TMEM117: variants seen among roughly 807,000 people sequenced by gnomAD.
TMEM117 encodes the protein transmembrane protein 117.
TMEM117 carries 27 observed loss-of-function variants against 52.4 expected under a neutral mutation model. That is an observed-to-expected ratio of 0.51 (90% CI 0.38 to 0.71). The LOEUF (loss-of-function observed/expected upper bound fraction) is 0.71, where lower values mean the gene tolerates loss of function less well. TMEM117 is among the 30% of genes least tolerant of loss of function. The pLI is 0.00. For missense variants in TMEM117, 556 were observed against 630.5 expected, an observed-to-expected ratio of 0.88 and a Z score of 1.26; for synonymous variants, 215 against 206.3, an observed-to-expected ratio of 1.04 and a Z score of -0.36.
At chr12:44,202,793 C>CACT (rs60018269) in intron 4 of TMEM117, among the ~76,000 whole-genome samples, 29,960 of 142,816 alleles carry the variant, frequency 0.21, 5,142 homozygotes, top group African/African-American at 0.49. Flanking sequence ...GAAGTGGTAG[C>CACT]TTTTTTTTTT....
chr12:43,836,661 A>G (rs1265736174), intron 1 of TMEM117, among the ~76,000 whole-genome samples: 1 of 152,032 alleles, frequency 6.6e-6, no homozygotes, highest in Non-Finnish European at 1.5e-5. Context: ...AAAAACAAAG[A>G]CTTGGGTGTT....
At chr12:43,831,835 G>A (rs1214687078), upstream of TMEM117, among the ~76,000 whole-genome samples, 1 of 152,082 alleles carries the variant, frequency 6.6e-6, no homozygotes, top group Non-Finnish European at 1.5e-5. Context: ...GAGCCACCGT[G>A]CCCGGCCTTA....
At chr12:44,241,958 C>T (rs1361300758) in intron 5 of TMEM117, among the ~76,000 whole-genome samples, 2 of 151,794 alleles carry the variant, frequency 1.3e-5, no homozygotes, top group African/African-American at 4.8e-5. Context: ...CTTGGCTATT[C>T]TTCTCTTTCC....
At chr12:44,361,941 G>T (rs1951726823) in intron 6 of TMEM117, among the ~76,000 whole-genome samples, 1 of 152,094 alleles carries the variant, frequency 6.6e-6, no homozygotes, top group South Asian at 2.1e-4. Context: ...GTGCACATGG[G>T]TTTTCATTCA....
chr12:43,928,873 C>T (rs1381721890), intron 2 of TMEM117, among the ~76,000 whole-genome samples: 1 of 151,636 alleles, frequency 6.6e-6, no homozygotes, highest in African/African-American at 2.4e-5. Flanking sequence ...CGATAGTTTA[C>T]TGAGAATAAT....
chr12:44,073,336 AT>A (rs1263389559), intron 3 of TMEM117, among the ~76,000 whole-genome samples: 1 of 152,144 alleles, frequency 6.6e-6, no homozygotes, highest in African/African-American at 2.4e-5. Context: ...TTTCCTTCCT[AT>A]TGGCTGGGTG....
chr12:43,944,082 C>G (rs1945088437), intron 2 of TMEM117, 128 bp from the exon 3 acceptor site: 4 of 755,882 alleles, frequency 5.3e-6, no homozygotes, highest in Non-Finnish European at 4.1e-6. Context: ...TGGCTTCACT[C>G]ATAAGGCAGT....
At chr12:44,378,108 G>T (rs145846552) in intron 7 of TMEM117, among the ~76,000 whole-genome samples, 2 of 152,154 alleles carry the variant, frequency 1.3e-5, no homozygotes, top group South Asian at 2.1e-4. Context: ...ATCCCTTTGG[G>T]GGGGGCTTTT....
intron 6 of TMEM117, among the ~76,000 whole-genome samples, chr12:44,360,457 CTCGGG>C (rs1174556271): frequency 6.6e-6 from 1 of 151,654 alleles, no homozygotes; most frequent in Non-Finnish European, 1.5e-5. Flanking sequence ...GTCCCAGCTA[CTCGGG>C]AGGCTGAGGC....
intron 3 of TMEM117, among the ~76,000 whole-genome samples, chr12:44,083,389 G>GT (rs1160025038): frequency 0.081 from 6,497 of 80,366 alleles, 814 homozygotes; most frequent in African/African-American, 0.11. Flanking sequence ...GGTATTGTTA[G>GT]TTTTTTTTTT....
intron 2 of TMEM117, among the ~76,000 whole-genome samples, chr12:43,903,792 G>A (rs1020295308): frequency 6.6e-5 from 10 of 151,962 alleles, no homozygotes; most frequent in African/African-American, 2.4e-4. Flanking sequence ...GCCTACCCAT[G>A]GTTATCTGGT....
chr12:43,940,388 C>T (rs1385613023), intron 2 of TMEM117, among the ~76,000 whole-genome samples: 3 of 152,198 alleles, frequency 2.0e-5, no homozygotes, highest in South Asian at 2.1e-4. Context: ...TTTAAAAAGT[C>T]TAGCAGTGAG....
Position 44,386,957 on chromosome 12 carries a change from G to A in TMEM117, c.899-1069G>A, listed in dbSNP as rs959378032. 2.0e-5 allele frequency among the ~76,000 whole-genome samples: 3 copies of A among 151,812 alleles called. No individual in the cohort carries two copies. In the South Asian group the frequency reaches 6.2e-4, roughly 31 times the overall value. On this transcript the variant is annotated intron_variant, in intron 7 of 7. Transcript: ENST00000266534. ...AATCATATGAAGCAGTAACAATAAC[G>A]TTAAATAATGTTACTTCAAATACAA... is the stretch of plus-strand genomic sequence containing the variant.
chr12:44,223,789 C>T (rs1949822445), intron 5 of TMEM117, among the ~76,000 whole-genome samples: 1 of 152,064 alleles, frequency 6.6e-6, no homozygotes, highest in African/African-American at 2.4e-5. Flanking sequence ...CTTGTGAGGT[C>T]CTAAAGCAAA....
intron 4 of TMEM117, among the ~76,000 whole-genome samples, chr12:44,152,335 T>G (rs1464085791): frequency 9.0e-6 from 1 of 111,138 alleles, no homozygotes; most frequent in South Asian, 3.0e-4. Context: ...ATATATATAT[T>G]ATATATAAAT....
intron 2 of TMEM117, among the ~76,000 whole-genome samples, chr12:43,850,340 C>A (rs1943284925): frequency 6.6e-6 from 1 of 152,150 alleles, no homozygotes; most frequent in Non-Finnish European, 1.5e-5. Context: ...ACCTGCAGAA[C>A]CACCAACAGA....
upstream of TMEM117, among the ~76,000 whole-genome samples, chr12:43,834,360 C>A (rs140235029): frequency 6.6e-6 from 1 of 152,172 alleles, no homozygotes; most frequent in East Asian, 1.9e-4. Flanking sequence ...TATCTATGAG[C>A]CATTACTATA....
At chr12:44,226,682 T>C (rs1362722919) in intron 5 of TMEM117, among the ~76,000 whole-genome samples, 1 of 152,084 alleles carries the variant, frequency 6.6e-6, no homozygotes, top group Non-Finnish European at 1.5e-5. Flanking sequence ...TAGTCTGATA[T>C]GACTGGTGTC....
At chr12:44,176,110 T>G (rs987226229) in intron 4 of TMEM117, among the ~76,000 whole-genome samples, 11 of 152,230 alleles carry the variant, frequency 7.2e-5, no homozygotes, top group Non-Finnish European at 1.5e-4. Context: ...TTTAATCTTC[T>G]ACATATTTCA....
Sources: allele counts gnomAD v4.1 joint callset (sites outside exome capture counted in the v4.1 genomes callset), GRCh38; gene constraint gnomAD v4.1.1; transcripts MANE v1.5; gene names NCBI Gene and HGNC (gene_info 2026-07-23, HGNC 2026-07-21).